KDR: variants seen among roughly 807,000 people sequenced by gnomAD.
KDR encodes kinase insert domain receptor.
KDR carries 43 observed loss-of-function variants against 160.9 expected under a neutral mutation model. The ratio of observed to expected loss-of-function variants is 0.27; its 90% CI spans 0.21 to 0.34. The LOEUF (loss-of-function observed/expected upper bound fraction) is 0.34. Among genes scored for constraint, KDR ranks in the 10% least tolerant of loss-of-function variants. KDR has a pLI of 1.00. For missense variants in KDR, 1,469 were observed against 1,666.4 expected, an observed-to-expected ratio of 0.88 and a Z score of 2.06; for synonymous variants, 617 against 600.1, an observed-to-expected ratio of 1.03 and a Z score of -0.41.
intron 15 of KDR, among the ~76,000 whole-genome samples, chr4:55,100,720 C>T (rs758865509): frequency 6.6e-6 from 1 of 152,094 alleles, no homozygotes. Context: ...CAACATATCT[C>T]GATGCAATAC....
intron 26 of KDR, among the ~76,000 whole-genome samples, chr4:55,087,962 A>G (rs976418206): frequency 6.6e-6 from 1 of 152,224 alleles, no homozygotes; most frequent in African/African-American, 2.4e-5. Context: ...GGAGAGAACT[A>G]AAAACAAGAT....
chr4:55,099,129 C>T (rs147596588), intron 15 of KDR, among the ~76,000 whole-genome samples: 1 of 151,994 alleles, frequency 6.6e-6, no homozygotes, highest in Non-Finnish European at 1.5e-5. Context: ...GATTCTCCCC[C>T]CTCAGCCTCC....
chr4:55,117,259 C>A lies in KDR; in HGVS notation c.358+1345G>T, dbSNP rs576112519. Among the ~76,000 whole-genome samples, 3 of 152,342 alleles carry A rather than the reference C, an allele frequency of 2.0e-5. No homozygotes were observed. In the East Asian group the frequency reaches 5.8e-4, roughly 29 times the overall value. ...ACTCATGAAATGAATTTTCACATGT[C>A]TCCAAGTTTCCTGACTTAGGAAGAA... is the stretch of plus-strand genomic sequence containing the variant. On this transcript the variant is annotated intron_variant, in intron 3 of 29. Transcript: ENST00000263923.
At position 55,089,471 on chromosome 4, in the gene KDR, C is replaced by T; in HGVS notation, c.3307G>A (p.Ala1103Thr). The T allele has an allele frequency of 1.9e-6, 3 of 1,608,392 alleles. No individual in the cohort carries two copies. Among genetic ancestry groups the T allele is most frequent in the Non-Finnish European group, 1.7e-6 (2 of 1,175,316 alleles). ...VLLWEIFSLG[A>T]SPYPGVKIDE... ...ATCTTTACCCCAGGATATGGAGAAG[C>T]ACCTAGAATAAAACAGGGAGGAGAC... The change falls in exon 25 of 30, where the codon GCT (alanine) becomes ACT (threonine). Residue 1103 changes from alanine (A) to threonine (T), a missense_variant and splice_region_variant. By Grantham distance (58) the Ala-to-Thr change is moderately conservative. Transcript: ENST00000263923.
Position 55,125,294 on chromosome 4 carries a change from C to A in KDR, c.-1G>T, listed in dbSNP as rs56233104. ...CGGCCAGCAGCACCTTGCTCTGCATCCTGCACCTCGAGCCGGGCGAAATGC... is the reference window on the plus strand; with the variant it reads ...CGGCCAGCAGCACCTTGCTCTGCATACTGCACCTCGAGCCGGGCGAAATGC... On this transcript the variant is annotated 5_prime_UTR_variant, in exon 1 of 30. Coordinates refer to ENST00000263923, the MANE Select transcript of KDR (RefSeq NM_002253.4). 0.05 allele frequency: 80,394 copies of A among 1,611,238 alleles called. 2,284 individuals carry two copies. Among genetic ancestry groups the A allele is most frequent in the Non-Finnish European group, 0.06 (70,729 of 1,179,054 alleles).
Position 55,102,384 on chromosome 4 carries a change from A to G in KDR, c.2112T>C (p.Asn704=), listed in dbSNP as rs1290906332. The G allele has an allele frequency of 1.2e-6, 2 of 1,613,620 alleles. No homozygotes were observed. Among genetic ancestry groups the G allele is most frequent in the Non-Finnish European group, 1.7e-6 (2 of 1,179,734 alleles). ...TACCTGAGTCTTCTACAAGGGTCTC[A>G]TTATCTTTAAACCACATGATCTGTG... ...PPPQIMWFKD[N]ETLVEDSGIV... is the part of the protein sequence containing the mutation. Residue 704 remains asparagine (N), a synonymous_variant, in exon 14 of 30, where the codon AAT becomes AAC. Transcript: ENST00000263923.
At position 55,104,998 on chromosome 4, in the gene KDR, G is replaced by A. The variant is rs1720407907; in HGVS notation, c.1646-14C>T. ...TTTCAGGACCCCCTAAAATGAAGAG[G>A]CCATAGTTATTGAATGGTGATTTAA... On this transcript the variant is annotated splice_polypyrimidine_tract_variant and intron_variant, in intron 12 of 29. Coordinates refer to ENST00000263923, the MANE Select transcript of KDR (RefSeq NM_002253.4). The A allele has an allele frequency of 1.2e-6, 2 of 1,604,042 alleles. No homozygotes were observed. Among genetic ancestry groups the A allele is most frequent in the South Asian group, 2.2e-5 (2 of 90,808 alleles).
intron 27 of KDR, among the ~76,000 whole-genome samples, chr4:55,085,310 A>T (rs1272019161): frequency 6.6e-6 from 1 of 152,216 alleles, no homozygotes; most frequent in Non-Finnish European, 1.5e-5. Context: ...TCTCTAAATA[A>T]ATGCTAAGTA....
At chr4:55,087,213 A>G (rs28633455) in intron 27 of KDR, among the ~76,000 whole-genome samples, 50,573 of 152,164 alleles carry the variant, frequency 0.33, 8,885 homozygotes, top group East Asian at 0.5. Context: ...GTTCTCATGC[A>G]AGCACAGAAC....
At chr4:55,114,813 T>C in intron 5 of KDR, 61 bp downstream of exon 5, 1 of 1,410,352 alleles carries the variant, frequency 7.1e-7, no homozygotes. Flanking sequence ...TATGTTGTTA[T>C]CTCCAAGATC....
chr4:55,095,450 C>G, intron 20 of KDR, 127 bp downstream of exon 20: 1 of 723,424 alleles, frequency 1.4e-6, no homozygotes, highest in East Asian at 2.6e-5. Context: ...TTACAACAGC[C>G]AAGAGGTAAT....
At position 55,118,647 on chromosome 4, in the gene KDR, G is replaced by A. The variant is rs752840054; in HGVS notation, c.315C>T (p.Tyr105=). The change falls in exon 3 of 30, where the codon TAC becomes TAT. Residue 105 remains tyrosine (Y), a synonymous_variant. Coordinates refer to ENST00000263923, the MANE Select transcript of KDR (RefSeq NM_002253.4). ...TGACCGAGGCCAAGTCAGTTTCCCG[G>A]TAGAAGCACTTGTAGGCTCCAGTGT... ...GNDTGAYKCF[Y]RETDLASVIY... The A allele has an allele frequency of 1.9e-6, 3 of 1,613,984 alleles. No individual in the cohort carries two copies. The highest frequency in any genetic ancestry group is 2.2e-5 in the East Asian group (1 of 44,894).
At chr4:55,095,032 A>T in intron 20 of KDR, 77 bp from the exon 21 acceptor site, 1 of 1,373,640 alleles carries the variant, frequency 7.3e-7, no homozygotes, top group Non-Finnish European at 1.0e-6. Flanking sequence ...TTTAAAATGT[A>T]GTAAACCATG....
In KDR at chr4:55,121,084, A is replaced by G; in HGVS notation, c.161+13T>C. The G allele has an allele frequency of 6.4e-7, 1 of 1,557,210 alleles. No homozygotes were observed. Among genetic ancestry groups the G allele is most frequent in the Middle Eastern group, 1.7e-4 (1 of 5,912 alleles). On this transcript the variant is annotated intron_variant, in intron 2 of 29. Transcript: ENST00000263923. ...CTTAACACAAGAAATCTAGATCTAG[A>G]ATGAATCCTTACCTGCAAGTAATTT...
At position 55,088,814 on chromosome 4, in the gene KDR, GT is replaced by G. The variant is rs1474189777; in HGVS notation, c.3510+53del. ...ATGAGACAGTTCAGGCAGTAGGAAA[GT>G]CCTTGACATCTAAGTACTCTTTGTA... is the stretch of plus-strand genomic sequence containing the variant. On this transcript the variant is annotated intron_variant, in intron 26 of 29. Coordinates refer to ENST00000263923, the MANE Select transcript of KDR (RefSeq NM_002253.4). 2.5e-5 allele frequency: 31 copies of G among 1,228,816 alleles called. 1 individual carries two copies. The East Asian group carries it at 7.0e-4, about 28-fold the overall frequency. The allele number at this position is 1,228,816 out of a possible 1,614,324, so 76.1% of individuals were successfully genotyped here.
chr4:55,080,427 C>T (rs1331949466), intron 29 of KDR, among the ~76,000 whole-genome samples: 2 of 152,112 alleles, frequency 1.3e-5, no homozygotes, highest in Non-Finnish European at 2.9e-5. Flanking sequence ...GCAGTTCTCT[C>T]GAGTTATGCA....
At chr4:55,124,787 G>T (rs73236104) in intron 1 of KDR, among the ~76,000 whole-genome samples, 1 of 152,036 alleles carries the variant, frequency 6.6e-6, no homozygotes, top group South Asian at 2.1e-4. Context: ...CGTCCGATCC[G>T]GGAGACCCGG....
intron 26 of KDR, among the ~76,000 whole-genome samples, chr4:55,088,526 AT>A (rs1719924318): frequency 6.6e-6 from 1 of 152,198 alleles, no homozygotes; most frequent in African/African-American, 2.4e-5. Flanking sequence ...TGCCTGCAGA[AT>A]TTATTAAAAA....
At chr4:55,084,420 G>T (rs1017840122) in intron 27 of KDR, among the ~76,000 whole-genome samples, 1 of 152,194 alleles carries the variant, frequency 6.6e-6, no homozygotes, top group African/African-American at 2.4e-5. Context: ...AATCAACTAG[G>T]GTTGGCGAGT....
Sources: gnomAD v4.1 joint callset for allele counts (sites outside exome capture counted in the v4.1 genomes callset) on GRCh38, gnomAD v4.1.1 for gene constraint, MANE v1.5 for transcripts, NCBI Gene and HGNC (gene_info 2026-07-23, HGNC 2026-07-21) for gene names.